Variants in MRPS34 observed in about 807,000 individuals in gnomAD.
MRPS34 encodes small ribosomal subunit protein mS34.
Under a neutral mutation model 13.3 loss-of-function variants are expected in MRPS34, and 12 were observed. The ratio of observed to expected loss-of-function variants is 0.90; its 90% confidence interval spans 0.58 to 1.46. The LOEUF (loss-of-function observed/expected upper bound fraction) is 1.46. Among genes scored for constraint, MRPS34 ranks in the 40% most tolerant of loss-of-function variants. The pLI, the probability that MRPS34 is intolerant of heterozygous loss-of-function variation, is 0.00. For missense variants in MRPS34, 419 were observed against 335.3 expected (o/e 1.25, Z -1.95); for synonymous variants, 181 against 149.3 (o/e 1.21, Z -1.55).
rs764643568 is a variant in MRPS34, at chr16:1,772,327, G to T, written c.551C>A (p.Thr184Lys). The T allele has an allele frequency of 1.9e-6, 3 of 1,613,076 alleles. No homozygotes were observed. The highest frequency in any genetic ancestry group is 2.5e-6 in the Non-Finnish European group (3 of 1,179,998). The change falls in exon 3 of 3, where the codon ACA (threonine) becomes AAA (lysine). Residue 184 changes from threonine (T) to lysine (K), a missense_variant. Coordinates refer to ENST00000397375, the MANE Select transcript of MRPS34 (RefSeq NM_023936.2). ...IIAERQKNGD[T>K]STEEPMLNVQ... The stretch of plus-strand genomic sequence containing the variant: ...ATTCAGCATGGGCTCCTCGGTGCTT[G>T]TGTCTCCATTTTTCTGTCGTTCTGC...
rs778168714 is a variant in MRPS34, at chr16:1,772,225, A to G, written c.653T>C (p.Val218Ala). Residue 218 changes from valine (V) to alanine (A), a missense_variant, in exon 3 of 3, where the codon GTC becomes GCC. Coordinates refer to ENST00000397375, the MANE Select transcript of MRPS34 (RefSeq NM_023936.2). ...EDKGRAKGTPV is the reference protein window; with the variant it reads ...EDKGRAKGTPA ...CCACCCGCTGGTTCTGGCATTCTAG[A>G]CGGGGGTGCCCTTGGCCCTTCCTTT... 2 of 1,602,218 alleles carry G rather than the reference A, an allele frequency of 1.2e-6. No homozygotes were observed. The highest frequency in any genetic ancestry group is 1.7e-6 in the Non-Finnish European group (2 of 1,175,718).
Position 1,772,088 on chromosome 16 carries a change from C to G in MRPS34, c.*133G>C. On this transcript the variant is annotated 3_prime_UTR_variant, in exon 3 of 3. Coordinates refer to ENST00000397375, the MANE Select transcript of MRPS34 (RefSeq NM_023936.2). ...AGCCCTCCCCCCTAAGATGCAGACCCTCAGAACACGTCGCGGAAGGTGAGC... is the reference window on the plus strand; with the variant it reads ...AGCCCTCCCCCCTAAGATGCAGACCGTCAGAACACGTCGCGGAAGGTGAGC... 3 of 971,468 alleles carry G rather than the reference C, an allele frequency of 3.1e-6. No homozygotes were observed. The highest frequency in any genetic ancestry group is 4.6e-6 in the Non-Finnish European group (3 of 647,970). 60.2% of individuals were successfully genotyped at this position (971,468 alleles called of 1,614,324 possible).
chr16:1,772,544 CTT>C, intron 2 of MRPS34, 31 bp from the exon 3 acceptor site: 11 of 1,612,444 alleles, frequency 6.8e-6, no homozygotes, highest in Non-Finnish European at 8.5e-6. Context: ...TCTGCACACA[CTT>C]GCTGTGCCGT....
intron 2 of MRPS34, 21 bp from the exon 3 acceptor site, chr16:1,772,534 T>C (rs780049939): frequency 1.9e-6 from 3 of 1,611,852 alleles, no homozygotes; most frequent in Non-Finnish European, 2.5e-6. Flanking sequence ...AAAAGAGGCG[T>C]CTGCACACAC....
chr16:1,772,765 C>T lies in MRPS34; in HGVS notation c.321+34G>A, dbSNP rs898633725. The T allele has an allele frequency of 8.6e-6, 13 of 1,511,368 alleles. No homozygotes were observed. In the East Asian group the frequency reaches 3.1e-4, roughly 37 times the overall value. 93.6% of individuals were successfully genotyped at this position (1,511,368 alleles called of 1,614,324 possible). On this transcript the variant is annotated intron_variant, in intron 1 of 2. Transcript: ENST00000397375. The stretch of plus-strand genomic sequence containing the variant: ...GAGGGGAGGCGGGGAGACCAGGCGG[C>T]TGCAGGGGCGGGGTGCGGACGGGGT...
At position 1,772,072 on chromosome 16, in the gene MRPS34, C is replaced by A; in HGVS notation, c.*149G>T. On this transcript the variant is annotated 3_prime_UTR_variant, in exon 3 of 3. Coordinates refer to ENST00000397375, the MANE Select transcript of MRPS34 (RefSeq NM_023936.2). ...GGTGGCGATTTGCCCCAGCCCTCCCCCCTAAGATGCAGACCCTCAGAACAC... is the reference window on the plus strand; with the variant it reads ...GGTGGCGATTTGCCCCAGCCCTCCCACCTAAGATGCAGACCCTCAGAACAC... 1 of 846,988 alleles carries A rather than the reference C, an allele frequency of 1.2e-6. No individual in the cohort carries two copies. Among genetic ancestry groups the A allele is most frequent in the Non-Finnish European group, 1.9e-6 (1 of 540,144 alleles). The allele number at this position is 846,988 out of a possible 1,614,324, so 52.5% of individuals were successfully genotyped here.
Position 1,773,129 on chromosome 16 carries a change from G to T in MRPS34, c.-10C>A. On this transcript the variant is annotated 5_prime_UTR_variant, in exon 1 of 3. Coordinates refer to ENST00000397375, the MANE Select transcript of MRPS34 (RefSeq NM_023936.2). ...CCTTCTTCCGCGCCATGGCGGGTCC[G>T]CGTCCTCAGCGGTCCGGCCGGAAGT... 7.2e-7 allele frequency: 1 copy of T among 1,389,670 alleles called. No homozygotes were observed. Among genetic ancestry groups the T allele is most frequent in the Non-Finnish European group, 9.3e-7 (1 of 1,077,410 alleles). 86.1% of individuals were successfully genotyped at this position (1,389,670 alleles called of 1,614,324 possible). A position where few individuals can be genotyped will look rare whatever the true frequency, so the allele number is the denominator to read the frequency against.
Position 1,772,113 on chromosome 16 carries a change from C to T in MRPS34, c.*108G>A. 1 of 1,183,306 alleles carries T rather than the reference C, an allele frequency of 8.5e-7. No individual in the cohort carries two copies. Among genetic ancestry groups the T allele is most frequent in the South Asian group, 1.4e-5 (1 of 70,122 alleles). The allele number at this position is 1,183,306 out of a possible 1,614,324, so 73.3% of individuals were successfully genotyped here. Reference sequence around the variant, plus strand: ...CTCAGAACACGTCGCGGAAGGTGAGCTCCCTGCTCCGAGAGGCAGACTCGG... The same window carrying T: ...CTCAGAACACGTCGCGGAAGGTGAGTTCCCTGCTCCGAGAGGCAGACTCGG... On this transcript the variant is annotated 3_prime_UTR_variant, in exon 3 of 3. Transcript: ENST00000397375.
At position 1,772,881 on chromosome 16, in the gene MRPS34, AC is replaced by A; in HGVS notation, c.238del (p.Val80SerfsTer39). 1 of 1,453,470 alleles carries A rather than the reference AC, an allele frequency of 6.9e-7. No homozygotes were observed. The highest frequency in any genetic ancestry group is 9.0e-7 in the Non-Finnish European group (1 of 1,110,394). The allele number at this position is 1,453,470 out of a possible 1,614,324, so 90.0% of individuals were successfully genotyped here. The part of the protein sequence containing the change: ...RLPLFGLGRL[V>X]TRKSWLWQHD... ...CTGCCACAGCCAGGACTTGCGCGTG[AC>A]CAGGCGGCCCAGGCCGAAGAGCGGG... is the stretch of plus-strand genomic sequence containing the variant. On this transcript the variant is annotated frameshift_variant, in exon 1 of 3. Coordinates refer to ENST00000397375, the MANE Select transcript of MRPS34 (RefSeq NM_023936.2). LOFTEE classifies it high-confidence loss of function.
Position 1,772,821 on chromosome 16 carries a change from A to G in MRPS34, c.299T>C (p.Val100Ala), listed in dbSNP as rs1449593942. ...CACCTGCGCCGTGTAGTCGGGCCGCACCCGCGTGAGGCGCCAGTAGCACGG... is the reference window on the plus strand; with the variant it reads ...CACCTGCGCCGTGTAGTCGGGCCGCGCCCGCGTGAGGCGCCAGTAGCACGG... ...DEPCYWRLTR[V>A]RPDYTAQNLD... The change falls in exon 1 of 3, where the codon GTG becomes GCG. Residue 100 changes from valine to alanine, a missense_variant. Val to Ala is a moderately conservative substitution (Grantham distance 64, BLOSUM62 0). Transcript: ENST00000397375. The G allele has an allele frequency of 2.8e-6, 4 of 1,445,486 alleles. No individual in the cohort carries two copies. The highest frequency in any genetic ancestry group is 3.6e-6 in the Non-Finnish European group (4 of 1,104,286). 89.5% of individuals were successfully genotyped at this position (1,445,486 alleles called of 1,614,324 possible).
At chr16:1,772,720 C>T in intron 1 of MRPS34, 74 bp from the exon 2 acceptor site, 2 of 1,565,494 alleles carry the variant, frequency 1.3e-6, no homozygotes, top group South Asian at 1.1e-5. Flanking sequence ...GGAGCCTCAG[C>T]CACGCAAACC....
At position 1,772,844 on chromosome 16, in the gene MRPS34, C is replaced by T; in HGVS notation, c.276G>A (p.Pro92=). The T allele has an allele frequency of 6.9e-7, 1 of 1,443,716 alleles. No individual in the cohort carries two copies. Among genetic ancestry groups the T allele is most frequent in the Non-Finnish European group, 9.1e-7 (1 of 1,103,412 alleles). The allele number at this position is 1,443,716 out of a possible 1,614,324, so 89.4% of individuals were successfully genotyped here. ...RKSWLWQHDE[P]CYWRLTRVRP... ...GCACCCGCGTGAGGCGCCAGTAGCACGGCTCGTCGTGCTGCCACAGCCAGG... is the reference window on the plus strand; with the variant it reads ...GCACCCGCGTGAGGCGCCAGTAGCATGGCTCGTCGTGCTGCCACAGCCAGG... The change falls in exon 1 of 3, where the codon CCG becomes CCA. Residue 92 remains proline (P), a synonymous_variant. Transcript: ENST00000397375.
Position 1,772,406 on chromosome 16 carries a change from C to T in MRPS34, c.472G>A (p.Glu158Lys), listed in dbSNP as rs943205875. The part of the protein sequence containing the change: ...EAFTAFTPAP[E>K]DSLASVPYPP... The stretch of plus-strand genomic sequence containing the variant: ...TACGGCACGGAGGCCAGGCTGTCTT[C>T]CGGCGCCGGCGTGAACGCGGTGAAG... The change falls in exon 3 of 3, where the codon GAA becomes AAA. Residue 158 changes from glutamate to lysine, a missense_variant. Physicochemically the swap from Glu to Lys is moderately conservative, Grantham distance 56. Transcript: ENST00000397375. The T allele has an allele frequency of 1.9e-6, 3 of 1,611,712 alleles. No homozygotes were observed. Among genetic ancestry groups the T allele is most frequent in the Middle Eastern group, 1.6e-4 (1 of 6,080 alleles).
chr16:1,771,972 C>G lies in MRPS34; in HGVS notation c.*249G>C, dbSNP rs2042622675. ...GAGAGCACTAATGGGGGAAAGGGAG[C>G]GAGCGCTTCCCGCTTTCCCCAGCGT... On this transcript the variant is annotated 3_prime_UTR_variant, in exon 3 of 3. Coordinates refer to ENST00000397375, the MANE Select transcript of MRPS34 (RefSeq NM_023936.2). 1.7e-6 allele frequency: 1 copy of G among 577,610 alleles called. No individual in the cohort carries two copies. Among genetic ancestry groups the G allele is most frequent in the Non-Finnish European group, 3.1e-6 (1 of 324,766 alleles). 35.8% of individuals were successfully genotyped at this position (577,610 alleles called of 1,614,324 possible).
rs1259459373 is a variant in MRPS34, at chr16:1,771,916, C to T, written c.*305G>A. 5.9e-6 allele frequency: 3 copies of T among 509,970 alleles called. No individual in the cohort carries two copies. The highest frequency in any genetic ancestry group is 3.2e-5 in the East Asian group (1 of 31,062). The allele number at this position is 509,970 out of a possible 1,614,324, so 31.6% of individuals were successfully genotyped here. A position where few individuals can be genotyped will look rare whatever the true frequency, so the allele number is the denominator to read the frequency against. ...TGGGTACTTCTTTTCTCTTTATTCC[C>T]TTTCATAGCTTCTGCCGGGATCCAG... is the stretch of plus-strand genomic sequence containing the variant. On this transcript the variant is annotated 3_prime_UTR_variant, in exon 3 of 3. Transcript: ENST00000397375.
chr16:1,772,939 C>T lies in MRPS34; in HGVS notation c.181G>A (p.Glu61Lys). 6.9e-7 allele frequency: 1 copy of T among 1,445,776 alleles called. No homozygotes were observed. Among genetic ancestry groups the T allele is most frequent in the Non-Finnish European group, 9.1e-7 (1 of 1,104,924 alleles). 89.6% of individuals were successfully genotyped at this position (1,445,776 alleles called of 1,614,324 possible). Reference sequence around the variant, plus strand: ...CCGAGCAGCTGCAAGAGGCGGCTCTCGCGGCGCACGTCGGCCCAGGCCCGG... The same window carrying T: ...CCGAGCAGCTGCAAGAGGCGGCTCTTGCGGCGCACGTCGGCCCAGGCCCGG... ...PVRAWADVRR[E>K]SRLLQLLGRL... Residue 61 changes from glutamate to lysine, a missense_variant, in exon 1 of 3, where the codon GAG (glutamate) becomes AAG (lysine). Coordinates refer to ENST00000397375, the MANE Select transcript of MRPS34 (RefSeq NM_023936.2).
At position 1,772,658 on chromosome 16, in the gene MRPS34, G is replaced by A. The variant is rs1290868430; in HGVS notation, c.322-12C>T. On this transcript the variant is annotated splice_polypyrimidine_tract_variant and intron_variant, in intron 1 of 2. Coordinates refer to ENST00000397375, the MANE Select transcript of MRPS34 (RefSeq NM_023936.2). ...CCGTGGTCCAAGTTCTGCAAAGCCA[G>A]AAGGAAGCGGGGTCAGCTCGCAAAG... The A allele has an allele frequency of 4.4e-6, 7 of 1,603,400 alleles. No homozygotes were observed. Among genetic ancestry groups the A allele is most frequent in the Middle Eastern group, 1.7e-4 (1 of 5,982 alleles).
In MRPS34 at chr16:1,772,595, G is replaced by T; in HGVS notation, c.364+9C>A. On this transcript the variant is annotated intron_variant, in intron 2 of 2. Coordinates refer to ENST00000397375, the MANE Select transcript of MRPS34 (RefSeq NM_023936.2). ...CGAACTGCCGGGCACCCGCTCTCCCGAGCCTTACCTTTGAAGGTCAGGATG... is the reference window on the plus strand; with the variant it reads ...CGAACTGCCGGGCACCCGCTCTCCCTAGCCTTACCTTTGAAGGTCAGGATG... 6.2e-7 allele frequency: 1 copy of T among 1,612,102 alleles called. No individual in the cohort carries two copies. Among genetic ancestry groups the T allele is most frequent in the Non-Finnish European group, 8.5e-7 (1 of 1,179,902 alleles).
rs1269220389 is a variant in MRPS34, at chr16:1,773,054, C to T, written c.66G>A (p.Arg22=). 6 of 1,422,424 alleles carry T rather than the reference C, an allele frequency of 4.2e-6. No individual in the cohort carries two copies. Among genetic ancestry groups the T allele is most frequent in the Non-Finnish European group, 5.5e-6 (6 of 1,089,754 alleles). 88.1% of individuals were successfully genotyped at this position (1,422,424 alleles called of 1,614,324 possible). A position where few individuals can be genotyped will look rare whatever the true frequency, so the allele number is the denominator to read the frequency against. Residue 22 remains arginine (R), a synonymous_variant, in exon 1 of 3, where the codon CGG becomes CGA. Coordinates refer to ENST00000397375, the MANE Select transcript of MRPS34 (RefSeq NM_023936.2). Reference sequence around the variant, plus strand: ...AGTCGCGCGGCCTGTTCAGTTGCTCCCGCAGGGCGCGCACGCGGCGGGCCA... The same window carrying T: ...AGTCGCGCGGCCTGTTCAGTTGCTCTCGCAGGGCGCGCACGCGGCGGGCCA... ...AELARRVRAL[R]EQLNRPRDSQ... is the part of the protein sequence containing the mutation.
Sources: gnomAD v4.1 joint callset for allele counts on GRCh38, gnomAD v4.1.1 for gene constraint, MANE v1.5 for transcripts, NCBI Gene and HGNC (gene_info 2026-07-23, HGNC 2026-07-21) for gene names.